Variants in ANKS1A observed in about 807,000 individuals in gnomAD.
The protein encoded by ANKS1A is ankyrin repeat and SAM domain-containing protein 1A.
Under a neutral mutation model 120.3 loss-of-function variants are expected in ANKS1A, and 55 were observed. That is an observed-to-expected ratio of 0.46 (90% confidence interval 0.37 to 0.57). ANKS1A has a LOEUF of 0.57. Among genes scored for constraint, ANKS1A ranks in the 20% least tolerant of loss-of-function variants. ANKS1A has a pLI of 0.00. For missense variants in ANKS1A, 1,123 were observed against 1,480.3 expected, an observed-to-expected ratio of 0.76 and a Z score of 3.96; for synonymous variants, 590 against 604.7, an observed-to-expected ratio of 0.98 and a Z score of 0.36.
intron 13 of ANKS1A, chr6:35,071,075 A>G: frequency 4.9e-6 from 2 of 405,926 alleles, no homozygotes; most frequent in South Asian, 4.7e-5. Context: ...TATTGACTCC[A>G]GGCCTTTAGA....
At chr6:34,980,477 A>G (rs1490883754) in intron 3 of ANKS1A, among the ~76,000 whole-genome samples, 2 of 152,246 alleles carry the variant, frequency 1.3e-5, no homozygotes, top group Admixed American at 1.3e-4. Context: ...AGCAGATGGA[A>G]TTGCATATGC....
intron 13 of ANKS1A, among the ~76,000 whole-genome samples, chr6:35,077,890 G>T (rs1030411236): frequency 1.3e-5 from 2 of 152,218 alleles, no homozygotes; most frequent in African/African-American, 4.8e-5. Flanking sequence ...TAAGAAAGGA[G>T]CAGGAGCACC....
intron 10 of ANKS1A, among the ~76,000 whole-genome samples, chr6:35,008,383 A>C (rs1244938449): frequency 6.6e-6 from 1 of 151,924 alleles, no homozygotes; most frequent in Admixed American, 6.6e-5. Flanking sequence ...TGCCCAGCTA[A>C]AAGTGTTTTT....
chr6:34,960,194 C>T (rs1770564877), intron 1 of ANKS1A, among the ~76,000 whole-genome samples: 1 of 152,192 alleles, frequency 6.6e-6, no homozygotes. Flanking sequence ...TTCAGATATT[C>T]TCAAAGATCA....
At chr6:35,004,104 A>T (rs1406787474) in intron 10 of ANKS1A, among the ~76,000 whole-genome samples, 1 of 152,124 alleles carries the variant, frequency 6.6e-6, no homozygotes, top group Non-Finnish European at 1.5e-5. Flanking sequence ...AGCCCCTGTC[A>T]CGTACCCCTG....
At chr6:34,936,459 A>G (rs1769263158) in intron 1 of ANKS1A, among the ~76,000 whole-genome samples, 1 of 152,210 alleles carries the variant, frequency 6.6e-6, no homozygotes. Flanking sequence ...CTCAGGATAT[A>G]GTACTGAGGT....
intron 23 of ANKS1A, 146 bp downstream of exon 23, chr6:35,087,195 C>G (rs1224832640): frequency 1.3e-6 from 1 of 786,180 alleles, no homozygotes; most frequent in Non-Finnish European, 2.1e-6. Flanking sequence ...ACCTGCTCCT[C>G]TTGGGCGGGC....
chr6:35,034,348 AGT>A (rs1432326730), intron 11 of ANKS1A, among the ~76,000 whole-genome samples: 1 of 152,220 alleles, frequency 6.6e-6, no homozygotes, highest in Non-Finnish European at 1.5e-5. Context: ...GAAAGTGAAT[AGT>A]GTGGGATCAG....
At chr6:35,007,021 C>T (rs183110350) in intron 10 of ANKS1A, among the ~76,000 whole-genome samples, 8 of 151,984 alleles carry the variant, frequency 5.3e-5, no homozygotes, top group African/African-American at 1.7e-4. Context: ...AATATATAAC[C>T]TCAAATTAAG....
intron 9 of ANKS1A, among the ~76,000 whole-genome samples, chr6:34,994,099 A>C (rs1024011685): frequency 2.6e-5 from 4 of 152,116 alleles, no homozygotes; most frequent in Admixed American, 6.5e-5. Context: ...GGTGTATTCT[A>C]ATCAAAGGCC....
At chr6:35,088,301 T>C (rs551946046) in intron 23 of ANKS1A, among the ~76,000 whole-genome samples, 3 of 152,226 alleles carry the variant, frequency 2.0e-5, no homozygotes, top group East Asian at 3.9e-4. Context: ...GCGGCGCCCA[T>C]AGGCAGCCGT....
chr6:35,049,508 A>G (rs1182815869), intron 11 of ANKS1A, among the ~76,000 whole-genome samples: 1 of 152,208 alleles, frequency 6.6e-6, no homozygotes, highest in African/African-American at 2.4e-5. Flanking sequence ...CAATAAGGTC[A>G]TCAGTGCCGA....
intron 9 of ANKS1A, among the ~76,000 whole-genome samples, chr6:34,990,147 A>G (rs879641341): frequency 1.3e-5 from 2 of 152,190 alleles, no homozygotes; most frequent in Non-Finnish European, 2.9e-5. Context: ...GATTTTTTAC[A>G]GTATTGCCAC....
chr6:34,998,395 T>C (rs1772964916), intron 10 of ANKS1A, among the ~76,000 whole-genome samples: 1 of 152,130 alleles, frequency 6.6e-6, no homozygotes, highest in Non-Finnish European at 1.5e-5. Flanking sequence ...TATTGTTTTA[T>C]ACTCAGAAAA....
intron 7 of ANKS1A, among the ~76,000 whole-genome samples, chr6:34,984,403 G>A (rs1368731335): frequency 6.6e-6 from 1 of 152,194 alleles, no homozygotes; most frequent in East Asian, 1.9e-4. Context: ...ACGGGCTGAA[G>A]GGTGCCCAGC....
chr6:34,982,934 G>A lies in ANKS1A; in HGVS notation c.808+107G>A. 2 of 1,370,854 alleles carry A rather than the reference G, an allele frequency of 1.5e-6. No homozygotes were observed. Among genetic ancestry groups the A allele is most frequent in the Admixed American group, 3.4e-5 (2 of 58,516 alleles). 84.9% of individuals were successfully genotyped at this position (1,370,854 alleles called of 1,614,324 possible). On this transcript the variant is annotated intron_variant, in intron 5 of 23. Transcript: ENST00000360359. This position sits in a 1 kb window ranked among gnomAD's most constrained non-coding sequence, Gnocchi z 4.9. ...CTGGCTGTGTTTGAACTCAATGTAT[G>A]TGTATCTCCACTGGTTGATTACAAG...
At chr6:34,988,225 A>G (rs762608243) in intron 8 of ANKS1A, among the ~76,000 whole-genome samples, 3 of 152,354 alleles carry the variant, frequency 2.0e-5, no homozygotes, top group Middle Eastern at 3.4e-3. Flanking sequence ...CTACTTTTGC[A>G]TTATAATGGC....
At chr6:35,059,382 C>A (rs966457570) in intron 12 of ANKS1A, among the ~76,000 whole-genome samples, 2 of 152,232 alleles carry the variant, frequency 1.3e-5, no homozygotes, top group Non-Finnish European at 2.9e-5. Context: ...GCCCATGTGC[C>A]CCATTCAGCC....
chr6:34,975,619 A>G (rs72894095), intron 3 of ANKS1A, among the ~76,000 whole-genome samples: 1,979 of 152,072 alleles, frequency 0.013, 32 homozygotes, highest in Non-Finnish European at 0.02. Flanking sequence ...TTAGCCAGGC[A>G]TAGTGGATAG....
Sources: allele counts gnomAD v4.1 joint callset (sites outside exome capture counted in the v4.1 genomes callset), GRCh38; gene constraint gnomAD v4.1.1; non-coding constraint Gnocchi (gnomAD v3.1); transcripts MANE v1.5; gene names NCBI Gene and HGNC (gene_info 2026-07-23, HGNC 2026-07-21).